Variants in XKR9 observed in about 807,000 individuals in gnomAD.
The protein encoded by XKR9 is XK related 9.
A neutral mutation model predicts 32.0 loss-of-function variants in XKR9; 32 were observed. That is an observed-to-expected ratio of 1.00 (90% CI 0.76 to 1.34). The LOEUF (loss-of-function observed/expected upper bound fraction) is 1.34. Among genes scored for constraint, XKR9 ranks in the 40% most tolerant of loss-of-function variants. XKR9 has a pLI of 0.00. For synonymous variants in XKR9, 168 were observed against 143.4 expected (o/e 1.17, Z -1.22); for missense variants, 546 against 429.7 (o/e 1.27, Z -2.39).
At chr8:70,944,627 T>C in the XKR9 span, among the ~76,000 whole-genome samples, 5 of 152,178 alleles carry the variant, frequency 3.3e-5, no homozygotes, top group African/African-American at 1.2e-4. Context: ...CAGCAGTAGT[T>C]AGATCTTAGG....
At chr8:70,692,868 C>T (rs760329409) in intron 3 of XKR9, among the ~76,000 whole-genome samples, 1 of 152,142 alleles carries the variant, frequency 6.6e-6, no homozygotes, top group Non-Finnish European at 1.5e-5. Flanking sequence ...GTGTGAGCCA[C>T]CACGCCTGGC....
downstream of XKR9, among the ~76,000 whole-genome samples, chr8:70,794,616 T>C (rs1807805013): frequency 6.6e-6 from 1 of 152,052 alleles, no homozygotes; most frequent in South Asian, 2.1e-4. Flanking sequence ...GTGTGTGTAG[T>C]TTTAAACTGT....
Position 70,706,972 on chromosome 8 carries a change from T to C in XKR9, c.312T>C (p.Phe104=). 1.2e-6 allele frequency: 2 copies of C among 1,613,228 alleles called. No individual in the cohort carries two copies. Among genetic ancestry groups the C allele is most frequent in the Non-Finnish European group, 1.7e-6 (2 of 1,179,386 alleles). ...TAAAAAGGGGTTACCATGCAGCTTT[T>C]AAATATGACAGCAATACTAGTAACT... ...FALKRGYHAA[F]KYDSNTSNFV... is the part of the protein sequence containing the mutation. Residue 104 remains phenylalanine, a synonymous_variant, in exon 4 of 5, where the codon TTT becomes TTC. Transcript: ENST00000408926.
chr8:71,003,535 C>T, the XKR9 span, among the ~76,000 whole-genome samples: 1 of 152,072 alleles, frequency 6.6e-6, no homozygotes, highest in Non-Finnish European at 1.5e-5. Flanking sequence ...ACCTAACTAA[C>T]CCCTGGCTAG....
chr8:71,042,293 G>A, the XKR9 span, among the ~76,000 whole-genome samples: 2 of 152,246 alleles, frequency 1.3e-5, no homozygotes, highest in South Asian at 4.1e-4. Flanking sequence ...TCAGGATAAA[G>A]CATAAGAGAA....
At chr8:70,940,085 G>A in the XKR9 span, among the ~76,000 whole-genome samples, 2 of 152,002 alleles carry the variant, frequency 1.3e-5, no homozygotes, top group Middle Eastern at 3.4e-3. Flanking sequence ...GTAAGTACGT[G>A]GTACAGGAAG....
chr8:70,785,407 C>T (rs1446324143), intron 2 of XKR9, among the ~76,000 whole-genome samples: 1 of 151,690 alleles, frequency 6.6e-6, no homozygotes, highest in African/African-American at 2.4e-5. Context: ...TTTAATCAGT[C>T]TAACTGAAAG....
At chr8:70,740,747 C>T (rs1258243923), downstream of XKR9, among the ~76,000 whole-genome samples, 1 of 152,214 alleles carries the variant, frequency 6.6e-6, no homozygotes, top group Non-Finnish European at 1.5e-5. Flanking sequence ...ACCCTGTTTG[C>T]CTGTGTTCTA....
At chr8:70,899,978 A>G in the XKR9 span, among the ~76,000 whole-genome samples, 2 of 152,198 alleles carry the variant, frequency 1.3e-5, no homozygotes, top group Non-Finnish European at 2.9e-5. Context: ...ATACACAATT[A>G]GCATCTAAAA....
At chr8:70,693,739 A>G (rs1330196362) in intron 3 of XKR9, among the ~76,000 whole-genome samples, 3 of 152,152 alleles carry the variant, frequency 2.0e-5, no homozygotes, top group African/African-American at 7.2e-5. Context: ...CTGTCTGGTG[A>G]CAAGCTATGT....
At chr8:70,978,240 G>T in the XKR9 span, among the ~76,000 whole-genome samples, 1 of 151,102 alleles carries the variant, frequency 6.6e-6, no homozygotes. Context: ...TTACATTTAA[G>T]GTTAGTATTG....
the XKR9 span, among the ~76,000 whole-genome samples, chr8:71,001,768 T>C: frequency 6.6e-6 from 1 of 152,212 alleles, no homozygotes; most frequent in Non-Finnish European, 1.5e-5. Context: ...GACACTACTT[T>C]GTAAATTGTA....
At chr8:70,733,692 G>A (rs1255194344) in intron 4 of XKR9, 104 bp from the exon 5 acceptor site, 16 of 1,057,484 alleles carry the variant, frequency 1.5e-5, no homozygotes, top group Admixed American at 7.2e-5. Flanking sequence ...AGTATGTGAC[G>A]TGTTTGTGGG....
At chr8:70,845,808 A>G in the XKR9 span, among the ~76,000 whole-genome samples, 1 of 152,168 alleles carries the variant, frequency 6.6e-6, no homozygotes, top group Admixed American at 6.5e-5. Flanking sequence ...CATATATGAC[A>G]TCCTAAAGGA....
At chr8:70,970,604 T>C in the XKR9 span, among the ~76,000 whole-genome samples, 2 of 152,192 alleles carry the variant, frequency 1.3e-5, no homozygotes, top group Admixed American at 6.5e-5. Context: ...TTGCTGAGAA[T>C]GATGGTTTCC....
chr8:71,043,132 A>G, the XKR9 span, among the ~76,000 whole-genome samples: 1 of 152,176 alleles, frequency 6.6e-6, no homozygotes, highest in East Asian at 1.9e-4. Context: ...ACCAGGAGAA[A>G]AGCAGTCAAA....
downstream of XKR9, among the ~76,000 whole-genome samples, chr8:70,740,934 G>C (rs1024212080): frequency 6.6e-6 from 1 of 152,220 alleles, no homozygotes; most frequent in Non-Finnish European, 1.5e-5. Flanking sequence ...CCCACTTGAG[G>C]AGGCAGTCTG....
At chr8:70,817,024 G>A in the XKR9 span, among the ~76,000 whole-genome samples, 1 of 152,018 alleles carries the variant, frequency 6.6e-6, no homozygotes, top group African/African-American at 2.4e-5. Context: ...AAGAGAAAGA[G>A]AAAACAGAAT....
intron 2 of XKR9, among the ~76,000 whole-genome samples, chr8:70,768,057 T>C (rs1807402302): frequency 6.6e-6 from 1 of 152,224 alleles, no homozygotes; most frequent in African/African-American, 2.4e-5. Flanking sequence ...GATGTGAGCA[T>C]TGTGCTATAA....
Sources: allele counts gnomAD v4.1 joint callset (sites outside exome capture counted in the v4.1 genomes callset), GRCh38; gene constraint gnomAD v4.1.1; transcripts MANE v1.5; gene names NCBI Gene and HGNC (gene_info 2026-07-23, HGNC 2026-07-21).